Variants in ASAP2 observed in about 807,000 individuals in gnomAD.
ASAP2 encodes the protein ArfGAP with SH3 domain, ankyrin repeat and PH domain 2, also known as arf-GAP with SH3 domain, ANK repeat and PH domain-containing protein 2.
Under a neutral mutation model 131.4 loss-of-function variants are expected in ASAP2, and 45 were observed. The ratio of observed to expected loss-of-function variants is 0.34; its 90% CI spans 0.27 to 0.44. The LOEUF is 0.44. Ranked by LOEUF, ASAP2 falls within the 20% of genes least tolerant of loss-of-function variation. The pLI, the probability that ASAP2 is intolerant of heterozygous loss-of-function variation, is 1.00. For synonymous variants in ASAP2, 510 were observed against 503.0 expected (o/e 1.01, Z -0.19); for missense variants, 1,011 against 1,297.0 (o/e 0.78, Z 3.39).
chr2:9,207,236 G>A lies in ASAP2; in HGVS notation c.126+6G>A, dbSNP rs1425345517. ...CTGTGGCGGCCATCGAGGAGGTGAG[G>A]CGGCCTGCGCGGCGGCTCCGGCCGC... On this transcript the variant is annotated splice_donor_region_variant and intron_variant, in intron 1 of 27. Transcript: ENST00000281419. The surrounding 1 kb of genome is among the most constrained non-coding windows in gnomAD (Gnocchi z 4.1). The A allele has an allele frequency of 6.4e-7, 1 of 1,565,386 alleles. No individual in the cohort carries two copies. Among genetic ancestry groups the A allele is most frequent in the East Asian group, 2.4e-5 (1 of 42,422 alleles).
intron 2 of ASAP2, among the ~76,000 whole-genome samples, chr2:9,288,226 T>G (rs1667589721): frequency 6.6e-6 from 1 of 152,206 alleles, no homozygotes; most frequent in South Asian, 2.1e-4. Flanking sequence ...ACCTTGAGCT[T>G]AAATCTTCTA....
intron 9 of ASAP2, among the ~76,000 whole-genome samples, chr2:9,339,641 A>G (rs1329117415): frequency 2.6e-5 from 4 of 152,170 alleles, no homozygotes; most frequent in Non-Finnish European, 5.9e-5. Flanking sequence ...GAGGTTCAAC[A>G]GGAATGGATA....
intron 14 of ASAP2, among the ~76,000 whole-genome samples, chr2:9,356,778 G>A (rs549692709): frequency 6.6e-6 from 1 of 152,300 alleles, no homozygotes; most frequent in South Asian, 2.1e-4. Flanking sequence ...GTGACCCTGG[G>A]AGAGCCACTT....
intron 15 of ASAP2, among the ~76,000 whole-genome samples, chr2:9,364,699 G>A (rs904770187): frequency 6.6e-6 from 1 of 152,284 alleles, no homozygotes; most frequent in East Asian, 1.9e-4. Context: ...CCTCAAAGAC[G>A]AAGAACTTAA....
In ASAP2 at chr2:9,405,211, C is replaced by G. The variant is rs901380335; in HGVS notation, c.*1884C>G. ...TGTGCAGTAACTAATAGTACTCTTACCAGAGGAGAAATTATATTAACGACC... is the reference window on the plus strand; with the variant it reads ...TGTGCAGTAACTAATAGTACTCTTAGCAGAGGAGAAATTATATTAACGACC... On this transcript the variant is annotated 3_prime_UTR_variant, in exon 28 of 28. Transcript: ENST00000281419. The G allele has an allele frequency of 3.9e-5, 6 of 152,120 alleles. No individual in the cohort carries two copies. Among genetic ancestry groups the G allele is most frequent in the Non-Finnish European group, 7.4e-5 (5 of 68,018 alleles). 9.4% of individuals were successfully genotyped at this position (152,120 alleles called of 1,614,324 possible). A position where few individuals can be genotyped will look rare whatever the true frequency, so the allele number is the denominator to read the frequency against.
chr2:9,318,138 G>C (rs1260387961), intron 3 of ASAP2, among the ~76,000 whole-genome samples: 1 of 152,212 alleles, frequency 6.6e-6, no homozygotes, highest in African/African-American at 2.4e-5. Context: ...CCCCAGTACA[G>C]TCCAGCTTAT....
intron 1 of ASAP2, among the ~76,000 whole-genome samples, chr2:9,255,332 G>A (rs917784521): frequency 1.3e-5 from 2 of 152,202 alleles, no homozygotes; most frequent in Non-Finnish European, 1.5e-5. Flanking sequence ...GACTATTTAA[G>A]TAACAATAAT....
chr2:9,405,075 AATAAAG>A lies in ASAP2; in HGVS notation c.*1749_*1754del, dbSNP rs1677099417. ...ACCACCTGGTGCCAGCTATATAAGG[AATAAAG>A]TTGATTCATATCAACATTAGAACTC... is the stretch of plus-strand genomic sequence containing the variant. On this transcript the variant is annotated 3_prime_UTR_variant, in exon 28 of 28. Transcript: ENST00000281419. 2.6e-5 allele frequency: 4 copies of A among 152,642 alleles called. 1 individual carries two copies. The South Asian group carries it at 8.3e-4, about 32-fold the overall frequency. 9.5% of individuals were successfully genotyped at this position (152,642 alleles called of 1,614,324 possible).
In ASAP2 at chr2:9,317,803, C is replaced by T. The variant is rs1472040110; in HGVS notation, c.346-721C>T. On this transcript the variant is annotated intron_variant, in intron 3 of 27. Coordinates refer to ENST00000281419, the MANE Select transcript of ASAP2 (RefSeq NM_003887.3). ...ACACACCCATACACAATCGCATTCA[C>T]ACACTCACACAATCACACCCTTAGT... Among the ~76,000 whole-genome samples the T allele has an allele frequency of 6.5e-5, 9 of 137,904 alleles. No homozygotes were observed. The South Asian group carries it at 2.0e-3, about 30-fold the overall frequency. The allele number at this position is 137,904 out of a possible 152,430, so 90.5% of individuals were successfully genotyped here. A position where few individuals can be genotyped will look rare whatever the true frequency, so the allele number is the denominator to read the frequency against.
intron 14 of ASAP2, among the ~76,000 whole-genome samples, chr2:9,358,314 T>G (rs547358723): frequency 6.6e-6 from 1 of 152,248 alleles, no homozygotes; most frequent in Non-Finnish European, 1.5e-5. Context: ...TTCTCTGTTA[T>G]TATCAGCATC....
intron 3 of ASAP2, among the ~76,000 whole-genome samples, chr2:9,302,698 C>T (rs1304996704): frequency 6.6e-6 from 1 of 152,096 alleles, no homozygotes; most frequent in Non-Finnish European, 1.5e-5. Context: ...TGGTCTCGAA[C>T]TCCTGACCTC....
intron 1 of ASAP2, among the ~76,000 whole-genome samples, chr2:9,239,545 TTTTC>T (rs1210093515): frequency 2.6e-5 from 4 of 152,192 alleles, no homozygotes; most frequent in Non-Finnish European, 4.4e-5. Context: ...GTAGGTACCA[TTTTC>T]TTTATTTTAT....
At chr2:9,231,331 C>T (rs1572208301) in intron 1 of ASAP2, among the ~76,000 whole-genome samples, 1 of 152,190 alleles carries the variant, frequency 6.6e-6, no homozygotes, top group Non-Finnish European at 1.5e-5. Flanking sequence ...TTGCCTCTGA[C>T]CTCAGCCAGG....
intron 17 of ASAP2, among the ~76,000 whole-genome samples, chr2:9,375,480 A>G (rs1470187478): frequency 3.3e-5 from 5 of 152,224 alleles, no homozygotes; most frequent in African/African-American, 1.2e-4. Context: ...CTATGTTTAC[A>G]TCATGGAATG....
intron 7 of ASAP2, among the ~76,000 whole-genome samples, chr2:9,332,020 C>T (rs976631746): frequency 6.6e-6 from 1 of 152,046 alleles, no homozygotes; most frequent in Non-Finnish European, 1.5e-5. Context: ...GGGGCCCTGG[C>T]ACGGTGTGTG....
chr2:9,207,011 CAGCGGCGGTGTCCG>C lies in ASAP2; in HGVS notation c.-84_-71del, dbSNP rs971386053. 170 of 1,085,982 alleles carry C rather than the reference CAGCGGCGGTGTCCG, an allele frequency of 1.6e-4. No individual in the cohort carries two copies. The African/African-American group carries it at 2.4e-3, about 16-fold the overall frequency. The allele number at this position is 1,085,982 out of a possible 1,614,324, so 67.3% of individuals were successfully genotyped here. Reference sequence around the variant, plus strand: ...TGTCCGCGGGCCGGAGCGGCGGCGGCAGCGGCGGTGTCCGAGCGGCGGTCGGAGCCTGCTGCGGC... The same window carrying C: ...TGTCCGCGGGCCGGAGCGGCGGCGGCAGCGGCGGTCGGAGCCTGCTGCGGC... On this transcript the variant is annotated 5_prime_UTR_variant, in exon 1 of 28. Coordinates refer to ENST00000281419, the MANE Select transcript of ASAP2 (RefSeq NM_003887.3). This position sits in a 1 kb window ranked among gnomAD's most constrained non-coding sequence, Gnocchi z 4.1.
intron 11 of ASAP2, among the ~76,000 whole-genome samples, chr2:9,347,168 A>G (rs1672024836): frequency 6.6e-6 from 1 of 152,154 alleles, no homozygotes; most frequent in South Asian, 2.1e-4. Flanking sequence ...CAGAAAAATA[A>G]AGTAGTTTTC....
chr2:9,212,719 C>T (rs1310189908), intron 1 of ASAP2, among the ~76,000 whole-genome samples: 1 of 152,192 alleles, frequency 6.6e-6, no homozygotes, highest in African/African-American at 2.4e-5. Flanking sequence ...TCTCAGCCGC[C>T]ACATTGCAAG....
intron 1 of ASAP2, among the ~76,000 whole-genome samples, chr2:9,270,861 C>T (rs568267381): frequency 1.5e-3 from 202 of 138,880 alleles, no homozygotes; most frequent in Middle Eastern, 8.1e-3. Context: ...GGCGCGATCT[C>T]GGCTCACTGC....
Sources: allele counts gnomAD v4.1 joint callset (sites outside exome capture counted in the v4.1 genomes callset), GRCh38; gene constraint gnomAD v4.1.1; non-coding constraint Gnocchi (gnomAD v3.1); transcripts MANE v1.5; gene names NCBI Gene and HGNC (gene_info 2026-07-23, HGNC 2026-07-21).